Variants in ADAMTSL1 observed in about 807,000 individuals in gnomAD.
ADAMTSL1 encodes the protein ADAMTS-like protein 1.
Under a neutral mutation model 201.8 loss-of-function variants are expected in ADAMTSL1, and 126 were observed. The observed-to-expected ratio is 0.62, with a 90% CI of 0.54 to 0.72. The LOEUF (loss-of-function observed/expected upper bound fraction) is 0.72. Ranked by LOEUF, ADAMTSL1 falls within the 30% of genes least tolerant of loss-of-function variation. ADAMTSL1 has a pLI of 0.00. For synonymous variants in ADAMTSL1, 1,121 were observed against 903.4 expected (o/e 1.24, Z -4.32); for missense variants, 2,679 against 2,277.8 (o/e 1.18, Z -3.59).
intron 9 of ADAMTSL1, among the ~76,000 whole-genome samples, chr9:18,665,140 T>C (rs1045559894): frequency 1.3e-5 from 2 of 152,022 alleles, no homozygotes; most frequent in Admixed American, 1.3e-4. Context: ...CAGTTTTCAT[T>C]ACAAAACACT....
At chr9:18,097,381 G>A (rs1824298320) in intron 1 of ADAMTSL1, among the ~76,000 whole-genome samples, 1 of 152,198 alleles carries the variant, frequency 6.6e-6, no homozygotes, top group Admixed American at 6.5e-5. Flanking sequence ...ATTAACTTCA[G>A]TGTACAACAT....
intron 1 of ADAMTSL1, among the ~76,000 whole-genome samples, chr9:18,031,674 G>A (rs571356456): frequency 1.6e-4 from 24 of 152,186 alleles, no homozygotes; most frequent in Non-Finnish European, 3.2e-4. Context: ...CAGGGCTTTG[G>A]TGGAGCCTTT....
intron 2 of ADAMTSL1, among the ~76,000 whole-genome samples, chr9:18,515,249 G>T (rs1424737088): frequency 6.6e-6 from 1 of 152,172 alleles, no homozygotes; most frequent in Non-Finnish European, 1.5e-5. Context: ...CTGCCGTCTC[G>T]AAGGGGGTGA....
intron 13 of ADAMTSL1, among the ~76,000 whole-genome samples, chr9:18,701,460 T>C (rs748773863): frequency 8.5e-5 from 13 of 152,176 alleles, no homozygotes; most frequent in Non-Finnish European, 1.8e-4. Context: ...CTTCAGGCGA[T>C]CCGCCCACCT....
intron 1 of ADAMTSL1, among the ~76,000 whole-genome samples, chr9:18,109,303 C>G (rs1473083913): frequency 1.3e-5 from 2 of 152,122 alleles, no homozygotes; most frequent in Non-Finnish European, 2.9e-5. Context: ...TGCCAGGAAT[C>G]CCTCGGAAGG....
At position 18,415,440 on chromosome 9, in the gene ADAMTSL1, T is replaced by C. The variant is rs542009855; in HGVS notation, c.208-89389T>C. ...CCCATGGACCATATTAGTAACAGAT[T>C]AGCTGTTGCGGAAGAAAATAATAGT... On this transcript the variant is annotated intron_variant, in intron 2 of 29. Coordinates refer to the ADAMTSL1 transcript ENST00000680146. 4.6e-5 allele frequency among the ~76,000 whole-genome samples: 7 copies of C among 152,246 alleles called. No homozygotes were observed. The East Asian group carries it at 1.3e-3, about 29-fold the overall frequency.
chr9:18,114,062 A>G (rs1825145549), intron 1 of ADAMTSL1, among the ~76,000 whole-genome samples: 1 of 152,170 alleles, frequency 6.6e-6, no homozygotes, highest in African/African-American at 2.4e-5. Flanking sequence ...CAAAAGAGGT[A>G]AGAAAAATAT....
chr9:18,827,495 C>T (rs1824654558), intron 22 of ADAMTSL1, among the ~76,000 whole-genome samples: 1 of 152,096 alleles, frequency 6.6e-6, no homozygotes, highest in Non-Finnish European at 1.5e-5. Flanking sequence ...AACCTCCAGC[C>T]ATCTTAAGAA....
chr9:18,173,740 C>T (rs967672002), intron 2 of ADAMTSL1, among the ~76,000 whole-genome samples: 25 of 152,028 alleles, frequency 1.6e-4, no homozygotes, highest in Admixed American at 4.6e-4. Flanking sequence ...GAGTAAAATT[C>T]GGTTTAAAAA....
chr9:18,743,225 G>A (rs1818943082), intron 15 of ADAMTSL1, among the ~76,000 whole-genome samples: 2 of 152,166 alleles, frequency 1.3e-5, no homozygotes, highest in African/African-American at 4.8e-5. Context: ...ACAGTGGGAT[G>A]TCATAGAAAA....
intron 1 of ADAMTSL1, among the ~76,000 whole-genome samples, chr9:18,126,557 G>A (rs1390901883): frequency 6.6e-6 from 1 of 152,152 alleles, no homozygotes; most frequent in East Asian, 1.9e-4. Context: ...TCCACCACTT[G>A]TAGTAGGCTT....
chr9:18,772,040 T>C (rs1337919650), intron 17 of ADAMTSL1, among the ~76,000 whole-genome samples: 2 of 152,210 alleles, frequency 1.3e-5, no homozygotes, highest in African/African-American at 4.8e-5. Flanking sequence ...TCATGCTTTC[T>C]AAATTTGATT....
chr9:18,306,182 C>A (rs1833902198), intron 2 of ADAMTSL1, among the ~76,000 whole-genome samples: 1 of 152,154 alleles, frequency 6.6e-6, no homozygotes, highest in Admixed American at 6.5e-5. Context: ...TAAACCACAT[C>A]CGAAGATCAC....
rs763690710 is a variant in ADAMTSL1 at position 18,574,017 on chromosome 9, C to CT, written c.238-7dup. On this transcript the variant is annotated splice_polypyrimidine_tract_variant and intron_variant, in intron 3 of 28. Coordinates refer to ENST00000380548, the MANE Select transcript of ADAMTSL1 (RefSeq NM_001040272.6). ...CCTAACCTTTGTATGTCCTTTCTCT[C>CT]TTTTTTCTCCAGGACTGCCCACCAG... 9 of 1,608,730 alleles carry CT rather than the reference C, an allele frequency of 5.6e-6. No homozygotes were observed. Among genetic ancestry groups the CT allele is most frequent in the Non-Finnish European group, 7.6e-6 (9 of 1,176,786 alleles).
At chr9:18,319,002 A>C (rs928624542) in intron 2 of ADAMTSL1, among the ~76,000 whole-genome samples, 2 of 152,214 alleles carry the variant, frequency 1.3e-5, no homozygotes, top group African/African-American at 4.8e-5. Flanking sequence ...CGAATCCAGG[A>C]ATTTGAGACT....
chr9:18,535,362 T>C (rs1003410721), intron 3 of ADAMTSL1, among the ~76,000 whole-genome samples: 3 of 152,186 alleles, frequency 2.0e-5, no homozygotes, highest in African/African-American at 4.8e-5. Flanking sequence ...CTATCAGCAT[T>C]TTGGTCAAAG....
intron 2 of ADAMTSL1, among the ~76,000 whole-genome samples, chr9:18,235,364 C>G (rs1006573671): frequency 6.6e-6 from 1 of 152,178 alleles, no homozygotes; most frequent in Admixed American, 6.5e-5. Context: ...AAGGTACCTG[C>G]TATCAATACG....
chr9:18,342,687 C>T (rs1835517339), intron 2 of ADAMTSL1, among the ~76,000 whole-genome samples: 3 of 152,082 alleles, frequency 2.0e-5, no homozygotes, highest in Non-Finnish European at 2.9e-5. Flanking sequence ...TTCCTCTTCC[C>T]GATGTGGTTG....
At chr9:18,712,751 C>T (rs13290738) in intron 14 of ADAMTSL1, among the ~76,000 whole-genome samples, 79,787 of 151,214 alleles carry the variant, frequency 0.53, 21,189 homozygotes, top group South Asian at 0.65. Context: ...ACAGAGAACG[C>T]CACAAAGATA....
Sources: gnomAD v4.1 joint callset for allele counts (sites outside exome capture counted in the v4.1 genomes callset) on GRCh38, gnomAD v4.1.1 for gene constraint, MANE v1.5 for transcripts, NCBI Gene and HGNC (gene_info 2026-07-23, HGNC 2026-07-21) for gene names.